ENPP6: variants seen among roughly 807,000 people sequenced by gnomAD.
ENPP6 encodes glycerophosphocholine cholinephosphodiesterase ENPP6.
A neutral mutation model predicts 42.0 loss-of-function variants in ENPP6; 32 were observed. The ratio of observed to expected loss-of-function variants is 0.76; its 90% CI spans 0.58 to 1.02. ENPP6 has a LOEUF of 1.02. ENPP6 is among the 50% of genes least tolerant of loss of function. The pLI is 0.00. For synonymous variants in ENPP6, 213 were observed against 216.0 expected (o/e 0.99, Z 0.12); for missense variants, 552 against 566.8 (o/e 0.97, Z 0.27).
intron 1 of ENPP6, among the ~76,000 whole-genome samples, chr4:184,174,098 T>C (rs975146529): frequency 3.3e-5 from 5 of 150,560 alleles, no homozygotes; most frequent in African/African-American, 1.2e-4. Flanking sequence ...CTTTACTAAA[T>C]AGTGAAAAAG....
chr4:184,172,991 G>A (rs532131531), intron 1 of ENPP6, among the ~76,000 whole-genome samples: 122 of 152,200 alleles, frequency 8.0e-4, no homozygotes, highest in African/African-American at 2.9e-3. Context: ...TACAACCTCC[G>A]CCACCAGGGT....
In ENPP6 at chr4:184,117,769, T is replaced by C. The variant is rs1177346579; in HGVS notation, c.665A>G (p.Lys222Arg). 8 of 1,613,900 alleles carry C rather than the reference T, an allele frequency of 5.0e-6. No homozygotes were observed. Among genetic ancestry groups the C allele is most frequent in the Admixed American group, 1.7e-5 (1 of 60,016 alleles). Residue 222 changes from lysine to arginine, a missense_variant, in exon 4 of 8, where the codon AAG becomes AGG. By Grantham distance (26) the Lys-to-Arg change is conservative. Around this residue, in one of 2 missense-constraint regions of ENPP6, gnomAD observed 545 missense variants for 546.3 expected, o/e 1.00. Transcript: ENST00000296741. Reference protein sequence around the residue: ...AVDTVLKYMTKWIQERGLQDR... With the variant: ...AVDTVLKYMTRWIQERGLQDR... The stretch of plus-strand genomic sequence containing the variant: ...TTTGCTTCAGGTCACCTGGATCCAC[T>C]TGGTCATGTACTTCAGGACAGTGTC...
intron 6 of ENPP6, among the ~76,000 whole-genome samples, chr4:184,102,941 G>T (rs1260191991): frequency 6.6e-6 from 1 of 152,248 alleles, no homozygotes; most frequent in Non-Finnish European, 1.5e-5. Context: ...ACCCCTAGAA[G>T]CTGCTCACCT....
chr4:184,136,540 G>A (rs1036844307), intron 2 of ENPP6, among the ~76,000 whole-genome samples: 1 of 152,078 alleles, frequency 6.6e-6, no homozygotes, highest in African/African-American at 2.4e-5. Flanking sequence ...CTCTCAGTTT[G>A]CTATCTCTAT....
At chr4:184,130,374 C>A (rs550524443) in intron 2 of ENPP6, among the ~76,000 whole-genome samples, 1 of 147,898 alleles carries the variant, frequency 6.8e-6, no homozygotes, top group Non-Finnish European at 1.5e-5. Context: ...CTGGCTAACA[C>A]GGTGAAACCC....
intron 3 of ENPP6, among the ~76,000 whole-genome samples, chr4:184,119,081 A>G (rs559357111): frequency 1.3e-5 from 2 of 152,352 alleles, no homozygotes; most frequent in South Asian, 4.1e-4. Flanking sequence ...TCTCAGTGCC[A>G]TGGTGAGCAC....
chr4:184,123,695 T>C (rs1021498014), intron 3 of ENPP6, among the ~76,000 whole-genome samples: 2 of 152,192 alleles, frequency 1.3e-5, no homozygotes, highest in East Asian at 1.9e-4. Context: ...CATGGTTCCA[T>C]GTGGGAGGGA....
chr4:184,190,569 C>T (rs1054186692), intron 1 of ENPP6, among the ~76,000 whole-genome samples: 1 of 152,164 alleles, frequency 6.6e-6, no homozygotes, highest in African/African-American at 2.4e-5. Context: ...AAAAGGAAAG[C>T]TGGCTAACTA....
intron 2 of ENPP6, among the ~76,000 whole-genome samples, chr4:184,138,322 C>A (rs949910765): frequency 6.6e-6 from 1 of 152,130 alleles, no homozygotes; most frequent in Non-Finnish European, 1.5e-5. Context: ...TCTTTGAATG[C>A]CAAAATCACA....
chr4:184,191,863 T>G (rs890087381), intron 1 of ENPP6, among the ~76,000 whole-genome samples: 1 of 152,166 alleles, frequency 6.6e-6, no homozygotes, highest in Non-Finnish European at 1.5e-5. Flanking sequence ...AAAATAAAAT[T>G]CTGAAGATAA....
intron 2 of ENPP6, among the ~76,000 whole-genome samples, chr4:184,139,408 A>G (rs1249932741): frequency 6.7e-6 from 1 of 150,034 alleles, no homozygotes; most frequent in Non-Finnish European, 1.5e-5. Context: ...CACATTGTGC[A>G]GGTTAGTTAC....
intron 6 of ENPP6, among the ~76,000 whole-genome samples, chr4:184,098,274 T>A (rs1473904876): frequency 6.6e-6 from 1 of 152,208 alleles, no homozygotes; most frequent in African/African-American, 2.4e-5. Flanking sequence ...GTGGGGGCTG[T>A]CCTGTGGGAT....
At chr4:184,211,277 C>T (rs577656959) in intron 1 of ENPP6, among the ~76,000 whole-genome samples, 2 of 152,014 alleles carry the variant, frequency 1.3e-5, no homozygotes, top group Non-Finnish European at 2.9e-5. Flanking sequence ...AAAAACCCTT[C>T]AAAAAATCAA....
chr4:184,147,439 G>A (rs138184215), intron 2 of ENPP6, among the ~76,000 whole-genome samples: 2 of 152,246 alleles, frequency 1.3e-5, no homozygotes, highest in Admixed American at 1.3e-4. Flanking sequence ...ATGCCATCAC[G>A]CTCTTCCTTA....
At chr4:184,182,243 A>G (rs1215943606) in intron 1 of ENPP6, among the ~76,000 whole-genome samples, 1 of 152,200 alleles carries the variant, frequency 6.6e-6, no homozygotes, top group Non-Finnish European at 1.5e-5. Context: ...ACATGCAGCC[A>G]ACAAACATAA....
At chr4:184,159,492 A>G (rs1313767227) in intron 1 of ENPP6, among the ~76,000 whole-genome samples, 1 of 152,240 alleles carries the variant, frequency 6.6e-6, no homozygotes, top group Non-Finnish European at 1.5e-5. Flanking sequence ...TTATTTGCAT[A>G]GTGATAAATA....
In ENPP6 at chr4:184,153,579, C is replaced by T. The variant is rs554371820; in HGVS notation, c.396G>A (p.Arg132=). 6.2e-7 allele frequency: 1 copy of T among 1,614,096 alleles called. No homozygotes were observed. Among genetic ancestry groups the T allele is most frequent in the South Asian group, 1.1e-5 (1 of 91,042 alleles). ...CTGGCCAGTAGTACATGTAGACCTT[C>T]CTTTTGGCCTTGGTCAGAGTGACCC... ...PLWVTLTKAK[R]KVYMYYWPGC... is the part of the protein sequence containing the mutation. The change falls in exon 2 of 8, where the codon AGG becomes AGA. Residue 132 remains arginine (R), a synonymous_variant. Transcript: ENST00000296741.
At chr4:184,200,051 G>A (rs1213354153) in intron 1 of ENPP6, among the ~76,000 whole-genome samples, 2 of 152,200 alleles carry the variant, frequency 1.3e-5, no homozygotes, top group Admixed American at 6.5e-5. Flanking sequence ...CTGAAGTGAT[G>A]ACACCTGCTG....
intron 1 of ENPP6, among the ~76,000 whole-genome samples, chr4:184,209,432 G>T (rs1733072707): frequency 6.6e-6 from 1 of 151,810 alleles, no homozygotes; most frequent in Middle Eastern, 3.4e-3. Flanking sequence ...AGAACTACGT[G>T]AAGAATGCAG....
Sources: allele counts gnomAD v4.1 joint callset (sites outside exome capture counted in the v4.1 genomes callset), GRCh38; gene constraint gnomAD v4.1.1; regional missense constraint gnomAD v4.1.1; transcripts MANE v1.5; gene names NCBI Gene and HGNC (gene_info 2026-07-23, HGNC 2026-07-21).